The following ACYP2 variants were observed in gnomAD, a reference collection of about 807,000 sequenced individuals.
ACYP2 encodes the protein acylphosphatase 2, also known as acylphosphatase-2.
ACYP2 carries 12 observed loss-of-function variants against 11.2 expected under a neutral mutation model. The observed-to-expected ratio is 1.08, with a 90% CI of 0.69 to 1.74. The LOEUF (loss-of-function observed/expected upper bound fraction) is 1.74. Among genes scored for constraint, ACYP2 ranks in the 40% most tolerant of loss-of-function variants. ACYP2 has a pLI of 0.00. For synonymous variants in ACYP2, 43 were observed against 32.2 expected, an observed-to-expected ratio of 1.33 and a Z score of -1.13; for missense variants, 134 against 101.9, an observed-to-expected ratio of 1.31 and a Z score of -1.35.
At chr2:54,176,779 C>T (rs1015871372) in intron 6 of ACYP2, among the ~76,000 whole-genome samples, 3 of 152,114 alleles carry the variant, frequency 2.0e-5, no homozygotes. Flanking sequence ...AGGGGGGCAG[C>T]CTGCATCCAA....
At chr2:53,982,924 A>G (rs903279892) in intron 2 of ACYP2, among the ~76,000 whole-genome samples, 1 of 151,782 alleles carries the variant, frequency 6.6e-6, no homozygotes, top group Non-Finnish European at 1.5e-5. Context: ...GGAAATGTGA[A>G]CAACCTATAA....
At chr2:54,131,569 A>G (rs1329635655) in intron 4 of ACYP2, among the ~76,000 whole-genome samples, 3 of 152,050 alleles carry the variant, frequency 2.0e-5, no homozygotes, top group African/African-American at 7.2e-5. Flanking sequence ...TTGCCTTTTT[A>G]TCATGCATGG....
intron 6 of ACYP2, among the ~76,000 whole-genome samples, chr2:54,210,476 T>C (rs1432866271): frequency 6.6e-6 from 1 of 152,232 alleles, no homozygotes; most frequent in Non-Finnish European, 1.5e-5. Flanking sequence ...AGCGGTGTTA[T>C]AATTCACTTC....
intron 6 of ACYP2, chr2:54,143,120 G>T (rs955106042): frequency 2.6e-5 from 4 of 152,128 alleles, no homozygotes; most frequent in African/African-American, 7.2e-5. Flanking sequence ...TAAAAATGGT[G>T]TATCTTTGTT....
chr2:54,017,262 CTTTTCTTTTCT>C (rs1250718463), intron 2 of ACYP2, among the ~76,000 whole-genome samples: 1 of 119,256 alleles, frequency 8.4e-6, no homozygotes, highest in East Asian at 2.1e-4. Context: ...AGTTTCTTTT[CTTTTCTTTTCT>C]TTTTTTTTTT....
intron 2 of ACYP2, among the ~76,000 whole-genome samples, chr2:53,986,729 A>G (rs1672058153): frequency 6.6e-6 from 1 of 150,378 alleles, no homozygotes; most frequent in South Asian, 2.1e-4. Flanking sequence ...GGTTCAAGTG[A>G]TTCTCCTGCC....
At chr2:54,196,338 G>A (rs79040064) in intron 6 of ACYP2, among the ~76,000 whole-genome samples, 1,959 of 152,002 alleles carry the variant, frequency 0.013, 38 homozygotes, top group African/African-American at 0.043. Context: ...TCAGCTTCCC[G>A]AGTAACTGGG....
intron 4 of ACYP2, among the ~76,000 whole-genome samples, chr2:54,080,936 T>C (rs1677613845): frequency 6.6e-6 from 1 of 152,230 alleles, no homozygotes; most frequent in Non-Finnish European, 1.5e-5. Flanking sequence ...GTTTTGTTTC[T>C]ATAGCTTAAA....
chr2:54,274,625 C>CAAAAAAAAAAAAAAAAAAA (rs70944155), intron 6 of ACYP2, among the ~76,000 whole-genome samples: 1 of 37,674 alleles, frequency 2.7e-5, no homozygotes, highest in African/African-American at 1.2e-4. Flanking sequence ...GACTCCATCT[C>CAAAAAAAAAAAAAAAAAAA]AAAAAAAAAA....
intron 2 of ACYP2, among the ~76,000 whole-genome samples, chr2:54,043,303 C>A (rs989420515): frequency 6.6e-6 from 1 of 152,128 alleles, no homozygotes; most frequent in Non-Finnish European, 1.5e-5. Flanking sequence ...CCTACTCAGA[C>A]CAGTGGTTCT....
intron 6 of ACYP2, among the ~76,000 whole-genome samples, chr2:54,185,930 TAA>T (rs1683969454): frequency 6.6e-6 from 1 of 151,786 alleles, no homozygotes; most frequent in African/African-American, 2.4e-5. Flanking sequence ...GGTAAATTGT[TAA>T]AATACAGTTG....
intron 6 of ACYP2, among the ~76,000 whole-genome samples, chr2:54,216,833 A>G (rs1438488648): frequency 6.6e-6 from 1 of 152,202 alleles, no homozygotes; most frequent in Non-Finnish European, 1.5e-5. Flanking sequence ...TACTGCACTG[A>G]GGTCTAATCA....
chr2:54,072,241 A>G (rs1255082423), intron 4 of ACYP2, among the ~76,000 whole-genome samples: 1 of 152,216 alleles, frequency 6.6e-6, no homozygotes. Flanking sequence ...TAAGATGGTA[A>G]TATTTTCCAA....
intron 6 of ACYP2, among the ~76,000 whole-genome samples, chr2:54,210,761 A>T (rs1167533523): frequency 3.9e-5 from 6 of 152,158 alleles, no homozygotes; most frequent in Non-Finnish European, 8.8e-5. Flanking sequence ...CTGCCAGTGA[A>T]TAGTCTTGGA....
At chr2:54,159,135 C>T (rs1682586788) in intron 6 of ACYP2, among the ~76,000 whole-genome samples, 1 of 151,566 alleles carries the variant, frequency 6.6e-6, no homozygotes, top group African/African-American at 2.4e-5. Flanking sequence ...GTGGCAGGTA[C>T]TTTTGACTGG....
intron 2 of ACYP2, among the ~76,000 whole-genome samples, chr2:54,032,413 T>A (rs1674631438): frequency 6.6e-6 from 1 of 152,208 alleles, no homozygotes; most frequent in Non-Finnish European, 1.5e-5. Context: ...TTTCATCAGG[T>A]TTGTCAAAGA....
intron 2 of ACYP2, among the ~76,000 whole-genome samples, chr2:54,043,061 G>T (rs934978994): frequency 6.6e-6 from 1 of 150,754 alleles, no homozygotes; most frequent in Admixed American, 6.6e-5. Context: ...GTTAATATGG[G>T]GTGTGTGTGG....
At chr2:54,121,586 C>T in intron 4 of ACYP2, among the ~76,000 whole-genome samples, 1 of 152,186 alleles carries the variant, frequency 6.6e-6, no homozygotes, top group East Asian at 1.9e-4. Flanking sequence ...TAGAAGTACA[C>T]ATTTTTCTTA....
intron 6 of ACYP2, among the ~76,000 whole-genome samples, chr2:54,264,942 G>A (rs843684): frequency 0.45 from 69,012 of 151,964 alleles, 16,131 homozygotes; most frequent in African/African-American, 0.56. Flanking sequence ...AAGTGTTAAG[G>A]TATTTCCAAC....
Sources: allele counts gnomAD v4.1 joint callset (sites outside exome capture counted in the v4.1 genomes callset), GRCh38; gene constraint gnomAD v4.1.1; transcripts MANE v1.5; gene names NCBI Gene and HGNC (gene_info 2026-07-23, HGNC 2026-07-21).